The following HNRNPF variants were observed in gnomAD, a reference collection of about 807,000 sequenced individuals.
HNRNPF encodes HnRNP F protein.
A neutral mutation model predicts 26.0 loss-of-function variants in HNRNPF; 2 were observed. The observed-to-expected ratio is 0.08, with a 90% confidence interval of 0.03 to 0.24. HNRNPF has a LOEUF of 0.24. HNRNPF is among the 10% of genes least tolerant of loss of function. The pLI, the probability that HNRNPF is intolerant of heterozygous loss-of-function variation, is 1.00. For missense variants in HNRNPF, 299 were observed against 539.2 expected, an observed-to-expected ratio of 0.55 and a Z score of 4.41; for synonymous variants, 234 against 211.5, an observed-to-expected ratio of 1.11 and a Z score of -0.92.
At chr10:43,404,026 G>A (rs985886355) in intron 1 of HNRNPF, among the ~76,000 whole-genome samples, 1 of 151,784 alleles carries the variant, frequency 6.6e-6, no homozygotes, top group African/African-American at 2.4e-5. Flanking sequence ...GGCGTGGTGG[G>A]TGACTCACGC....
chr10:43,401,420 A>G (rs1838751646), intron 1 of HNRNPF, among the ~76,000 whole-genome samples: 1 of 152,232 alleles, frequency 6.6e-6, no homozygotes, highest in South Asian at 2.1e-4. Context: ...TAAAACAAGC[A>G]ACCATTGCTG....
chr10:43,402,242 A>G (rs576761854), intron 1 of HNRNPF, among the ~76,000 whole-genome samples: 1 of 152,224 alleles, frequency 6.6e-6, no homozygotes, highest in African/African-American at 2.4e-5. Flanking sequence ...GGGGGAGAAG[A>G]TAAGAGATTT....
chr10:43,388,569 C>T (rs1159701494), intron 3 of HNRNPF, among the ~76,000 whole-genome samples: 1 of 152,194 alleles, frequency 6.6e-6, no homozygotes, highest in Non-Finnish European at 1.5e-5. Flanking sequence ...CATATACAGA[C>T]AAGCAGACAA....
At chr10:43,393,906 G>A (rs1838356114) in intron 3 of HNRNPF, among the ~76,000 whole-genome samples, 1 of 152,160 alleles carries the variant, frequency 6.6e-6, no homozygotes, top group African/African-American at 2.4e-5. Context: ...AATATACTCT[G>A]TTCAACCTTC....
chr10:43,394,545 T>C (rs1838385214), intron 3 of HNRNPF, 85 bp downstream of exon 3: 1 of 152,130 alleles, frequency 6.6e-6, no homozygotes, highest in Non-Finnish European at 1.5e-5. Context: ...GACAAAACTT[T>C]TTTCACTCCA....
chr10:43,397,772 G>T (rs1838604735), intron 1 of HNRNPF, among the ~76,000 whole-genome samples: 1 of 152,144 alleles, frequency 6.6e-6, no homozygotes, highest in Non-Finnish European at 1.5e-5. Flanking sequence ...TATGATCAGT[G>T]ACATTTTATA....
chr10:43,389,657 A>G (rs975480517), intron 3 of HNRNPF, among the ~76,000 whole-genome samples: 5 of 152,256 alleles, frequency 3.3e-5, no homozygotes, highest in African/African-American at 7.2e-5. Flanking sequence ...TCCTCTCCCA[A>G]TAACAAGCAT....
intron 3 of HNRNPF, among the ~76,000 whole-genome samples, chr10:43,393,560 C>T (rs1321043057): frequency 6.6e-6 from 1 of 151,608 alleles, no homozygotes; most frequent in East Asian, 1.9e-4. Flanking sequence ...CGCGTCACTG[C>T]ACTCCAGCCT....
chr10:43,392,998 T>G (rs1424691523), intron 3 of HNRNPF, among the ~76,000 whole-genome samples: 1 of 152,204 alleles, frequency 6.6e-6, no homozygotes, highest in Non-Finnish European at 1.5e-5. Flanking sequence ...GGAGTAATCC[T>G]TGACCTTCTC....
intron 1 of HNRNPF, among the ~76,000 whole-genome samples, chr10:43,400,874 G>C (rs56252639): frequency 0.11 from 16,914 of 152,202 alleles, 983 homozygotes; most frequent in Non-Finnish European, 0.12. Flanking sequence ...GAGGCGGGTG[G>C]ATCACGAGGT....
intron 1 of HNRNPF, among the ~76,000 whole-genome samples, chr10:43,402,719 C>A (rs1838790970): frequency 6.6e-6 from 1 of 152,182 alleles, no homozygotes; most frequent in Non-Finnish European, 1.5e-5. Flanking sequence ...CATCATAATT[C>A]TATTAGATGG....
chr10:43,408,469 T>A (rs536664697), intron 1 of HNRNPF, among the ~76,000 whole-genome samples: 1 of 152,290 alleles, frequency 6.6e-6, no homozygotes, highest in East Asian at 1.9e-4. Flanking sequence ...CCCCTCATTA[T>A]GTGCAGTCCT....
chr10:43,402,602 C>A (rs1036777770), intron 1 of HNRNPF, among the ~76,000 whole-genome samples: 1 of 152,176 alleles, frequency 6.6e-6, no homozygotes, highest in African/African-American at 2.4e-5. Flanking sequence ...CCAAACCAGA[C>A]AAAAACATCA....
chr10:43,401,144 C>T (rs761653334), intron 1 of HNRNPF, among the ~76,000 whole-genome samples: 2 of 151,852 alleles, frequency 1.3e-5, no homozygotes, highest in Non-Finnish European at 2.9e-5. Context: ...ATGTTTACTC[C>T]ATTATTACTA....
intron 3 of HNRNPF, among the ~76,000 whole-genome samples, chr10:43,390,681 G>A (rs551248791): frequency 2.8e-4 from 42 of 152,152 alleles, no homozygotes; most frequent in African/African-American, 8.4e-4. Context: ...AACTGTACGC[G>A]CCCAGTAAAA....
chr10:43,395,853 T>C (rs1419191871), intron 2 of HNRNPF, among the ~76,000 whole-genome samples: 4 of 152,188 alleles, frequency 2.6e-5, no homozygotes, highest in African/African-American at 7.2e-5. Context: ...TTTACCCCAA[T>C]GGACCAGCCG....
In HNRNPF at chr10:43,387,000, G is replaced by T; in HGVS notation, c.885C>A (p.Gly295=). Residue 295 remains glycine, a synonymous_variant, in exon 4 of 4, where the codon GGC becomes GGA. Coordinates refer to ENST00000682386, the MANE Select transcript of HNRNPF (RefSeq NM_001098204.2). The part of the protein sequence containing the change: ...STTGHCVHMR[G]LPYKATENDI... ...CGTTCTCGGTCGCTTTGTACGGCAG[G>T]CCCCTCATGTGGACACAGTGGCCTG... 1 of 1,613,928 alleles carries T rather than the reference G, an allele frequency of 6.2e-7. No individual in the cohort carries two copies.
chr10:43,397,682 C>G (rs540728496), intron 1 of HNRNPF, among the ~76,000 whole-genome samples: 1 of 152,274 alleles, frequency 6.6e-6, no homozygotes, highest in African/African-American at 2.4e-5. Context: ...AATTCCTAAA[C>G]TTTTAACTAA....
intron 1 of HNRNPF, among the ~76,000 whole-genome samples, chr10:43,404,888 TAAAGAACAGACACTC>T (rs1838864626): frequency 6.6e-6 from 1 of 151,948 alleles, no homozygotes; most frequent in African/African-American, 2.4e-5. Flanking sequence ...ACAGGAAATA[TAAAGAACAGACACTC>T]AAAGACCACC....
Sources: gnomAD v4.1 joint callset for allele counts (sites outside exome capture counted in the v4.1 genomes callset) on GRCh38, gnomAD v4.1.1 for gene constraint, MANE v1.5 for transcripts, NCBI Gene and HGNC (gene_info 2026-07-23, HGNC 2026-07-21) for gene names.